MUSK: variants seen among roughly 807,000 people sequenced by gnomAD.
MUSK encodes the protein muscle, skeletal receptor tyrosine-protein kinase.
A neutral mutation model predicts 88.7 loss-of-function variants in MUSK; 55 were observed. The ratio of observed to expected loss-of-function variants is 0.62; its 90% confidence interval spans 0.50 to 0.78. The LOEUF is 0.78. Ranked by LOEUF, MUSK falls within the 30% of genes least tolerant of loss-of-function variation. The pLI is 0.00. For synonymous variants in MUSK, 387 were observed against 391.9 expected (o/e 0.99, Z 0.15); for missense variants, 1,015 against 1,074.3 (o/e 0.94, Z 0.77).
rs1244331416 is a variant in MUSK, at chr9:110,802,752, C to T, written c.*1764C>T. On this transcript the variant is annotated 3_prime_UTR_variant, in exon 15 of 15. Coordinates refer to ENST00000374448, the MANE Select transcript of MUSK (RefSeq NM_005592.4). ...GTTGCCCACCCTGTCTATTAGCTGGCCTTCCTCTCATTTCAGACCTGAACA... is the reference window on the plus strand; with the variant it reads ...GTTGCCCACCCTGTCTATTAGCTGGTCTTCCTCTCATTTCAGACCTGAACA... Among the ~76,000 whole-genome samples, 1 of 152,136 alleles carries T rather than the reference C, an allele frequency of 6.6e-6. No individual in the cohort carries two copies. Among genetic ancestry groups the T allele is most frequent in the Non-Finnish European group, 1.5e-5 (1 of 68,030 alleles).
intron 5 of MUSK, among the ~76,000 whole-genome samples, chr9:110,725,111 G>C (rs995410010): frequency 6.6e-6 from 1 of 151,944 alleles, no homozygotes; most frequent in Non-Finnish European, 1.5e-5. Context: ...ACAGCAACCT[G>C]GTTGGAATTG....
intron 7 of MUSK, among the ~76,000 whole-genome samples, chr9:110,757,229 C>T (rs924116530): frequency 4.6e-5 from 7 of 151,782 alleles, no homozygotes; most frequent in East Asian, 1.9e-4. Flanking sequence ...GAGGCTGAGG[C>T]GGGTGGATAA....
intron 2 of MUSK, among the ~76,000 whole-genome samples, chr9:110,684,368 G>C (rs749620669): frequency 1.3e-5 from 2 of 151,926 alleles, no homozygotes; most frequent in Non-Finnish European, 1.5e-5. Context: ...TGAAAGTACT[G>C]TGCTGTTTTG....
At chr9:110,773,610 A>C (rs2077615663) in intron 9 of MUSK, among the ~76,000 whole-genome samples, 1 of 151,946 alleles carries the variant, frequency 6.6e-6, no homozygotes, top group Non-Finnish European at 1.5e-5. Context: ...ATCTTTACTC[A>C]TCTCTCATTC....
intron 12 of MUSK, 83 bp downstream of exon 12, chr9:110,785,099 T>C: frequency 8.5e-6 from 10 of 1,172,388 alleles, no homozygotes; most frequent in East Asian, 2.3e-5. Context: ...GTGAGGAATA[T>C]ATATGACACT....
chr9:110,756,946 C>T (rs1364692910), intron 7 of MUSK, among the ~76,000 whole-genome samples: 3 of 151,950 alleles, frequency 2.0e-5, no homozygotes, highest in African/African-American at 7.3e-5. Flanking sequence ...TTTTTGAGGG[C>T]ATTCCAACTA....
At chr9:110,765,667 A>G (rs2077469896) in intron 8 of MUSK, among the ~76,000 whole-genome samples, 1 of 152,048 alleles carries the variant, frequency 6.6e-6, no homozygotes, top group Admixed American at 6.5e-5. Context: ...TCTGCCCCCC[A>G]GATTCAAGTG....
At chr9:110,772,268 G>A (rs570893976) in intron 9 of MUSK, among the ~76,000 whole-genome samples, 20 of 151,620 alleles carry the variant, frequency 1.3e-4, no homozygotes, top group East Asian at 1.2e-3. Context: ...TTACATGCCT[G>A]AGCCACAGAT....
At chr9:110,724,472 T>A (rs1307469885) in intron 5 of MUSK, among the ~76,000 whole-genome samples, 1 of 152,014 alleles carries the variant, frequency 6.6e-6, no homozygotes, top group Non-Finnish European at 1.5e-5. Flanking sequence ...TGACATTCAA[T>A]CCAGACCCAG....
intron 9 of MUSK, among the ~76,000 whole-genome samples, chr9:110,773,507 A>C (rs1376103036): frequency 6.6e-6 from 1 of 152,138 alleles, no homozygotes; most frequent in Non-Finnish European, 1.5e-5. Flanking sequence ...ATACTATGTT[A>C]CTTATCATTG....
At chr9:110,734,189 G>T in intron 5 of MUSK, 62 bp from the exon 6 acceptor site, 1 of 1,543,120 alleles carries the variant, frequency 6.5e-7, no homozygotes. Flanking sequence ...ATTTCTAAAA[G>T]ACCACCCTAG....
intron 5 of MUSK, among the ~76,000 whole-genome samples, chr9:110,714,745 T>C (rs2076723745): frequency 6.6e-6 from 1 of 152,172 alleles, no homozygotes; most frequent in African/African-American, 2.4e-5. Flanking sequence ...GGATTACTTT[T>C]TCAACCACCC....
chr9:110,799,416 T>C (rs1332406717), intron 14 of MUSK, among the ~76,000 whole-genome samples: 1 of 152,246 alleles, frequency 6.6e-6, no homozygotes, highest in Non-Finnish European at 1.5e-5. Flanking sequence ...ATATTAACTT[T>C]TTTGGTAGCA....
At chr9:110,728,539 GTTTC>G (rs1400555154) in intron 5 of MUSK, 1 of 642,482 alleles carries the variant, frequency 1.6e-6, no homozygotes, top group African/African-American at 1.8e-5. Context: ...GATTGCATTT[GTTTC>G]TTATTGAAAT....
intron 1 of MUSK, among the ~76,000 whole-genome samples, chr9:110,674,640 G>A (rs1003262955): frequency 2.0e-5 from 3 of 152,058 alleles, no homozygotes; most frequent in Non-Finnish European, 4.4e-5. Context: ...ATAGAGTCTT[G>A]CTCTGTCACA....
rs904059484 is a variant in MUSK, at chr9:110,735,421, G to A, written c.753+1046G>A. Among the ~76,000 whole-genome samples the A allele has an allele frequency of 4.6e-5, 7 of 152,196 alleles. No homozygotes were observed. The South Asian group carries it at 1.2e-3, about 27-fold the overall frequency. ...TCCTGTTATTTGCAACAACATGGAT[G>A]GAACCGCAGGACATTATGTTAAGTG... is the stretch of plus-strand genomic sequence containing the variant. On this transcript the variant is annotated intron_variant, in intron 6 of 14. Coordinates refer to ENST00000374448, the MANE Select transcript of MUSK (RefSeq NM_005592.4).
chr9:110,745,765 T>A (rs906885933), intron 6 of MUSK, among the ~76,000 whole-genome samples: 1 of 152,320 alleles, frequency 6.6e-6, no homozygotes, highest in African/African-American at 2.4e-5. Flanking sequence ...AATGCCACAA[T>A]ACTTGATCTG....
intron 6 of MUSK, among the ~76,000 whole-genome samples, chr9:110,745,212 G>A (rs1245032897): frequency 2.0e-5 from 3 of 152,156 alleles, no homozygotes; most frequent in African/African-American, 2.4e-5. Flanking sequence ...GAGAAGAGAC[G>A]TCAGGCAGTT....
intron 11 of MUSK, among the ~76,000 whole-genome samples, chr9:110,783,815 A>G (rs1230611081): frequency 6.6e-6 from 1 of 151,982 alleles, no homozygotes; most frequent in South Asian, 2.1e-4. Context: ...GAAGGAGATA[A>G]CACTATGACT....
Sources: gnomAD v4.1 joint callset for allele counts (sites outside exome capture counted in the v4.1 genomes callset) on GRCh38, gnomAD v4.1.1 for gene constraint, MANE v1.5 for transcripts, NCBI Gene and HGNC (gene_info 2026-07-23, HGNC 2026-07-21) for gene names.